The following HS3ST1 variants were observed in gnomAD, a reference collection of about 807,000 sequenced individuals.
HS3ST1 encodes heparan sulfate glucosamine 3-O-sulfotransferase 1.
A neutral mutation model predicts 20.7 loss-of-function variants in HS3ST1; 8 were observed. The ratio of observed to expected loss-of-function variants is 0.39; its 90% CI spans 0.23 to 0.70. HS3ST1 has a LOEUF of 0.70. Ranked by LOEUF, HS3ST1 falls within the 30% of genes least tolerant of loss-of-function variation. The pLI is 0.46. For missense variants in HS3ST1, 436 were observed against 423.4 expected (o/e 1.03, Z -0.26); for synonymous variants, 205 against 190.4 (o/e 1.08, Z -0.63).
upstream of HS3ST1, chr4:11,429,466 G>A (rs2108894192): frequency 6.6e-6 from 1 of 152,496 alleles, no homozygotes. Context: ...GAAGCAGGAG[G>A]TGCCATCCTC....
chr4:11,432,839 T>C (rs999138201), upstream of HS3ST1, among the ~76,000 whole-genome samples: 4 of 152,180 alleles, frequency 2.6e-5, no homozygotes, highest in African/African-American at 7.2e-5. Flanking sequence ...TGTTGTTCCT[T>C]CCAACTCAGC....
chr4:11,413,285 A>G (rs1718684896), intron 1 of HS3ST1, among the ~76,000 whole-genome samples: 1 of 152,156 alleles, frequency 6.6e-6, no homozygotes, highest in African/African-American at 2.4e-5. Flanking sequence ...TCCCCACACC[A>G]AACAGGCAGC....
At chr4:11,403,570 G>C (rs765985856) in intron 1 of HS3ST1, among the ~76,000 whole-genome samples, 16 of 152,158 alleles carry the variant, frequency 1.1e-4, no homozygotes, top group Non-Finnish European at 1.8e-4. Flanking sequence ...TCTAGTTGCT[G>C]TTACTACTGT....
At chr4:11,432,770 C>G (rs969427610), upstream of HS3ST1, among the ~76,000 whole-genome samples, 4 of 152,144 alleles carry the variant, frequency 2.6e-5, no homozygotes, top group African/African-American at 7.2e-5. Context: ...TGCTAATTAG[C>G]TAGAGCAGTC....
chr4:11,404,140 G>T lies in HS3ST1; in HGVS notation c.-108-4027C>A, dbSNP rs186931476. Among the ~76,000 whole-genome samples the T allele has an allele frequency of 2.6e-3, 398 of 152,242 alleles. 4 individuals are homozygous for T. The highest frequency in any genetic ancestry group is 9.1e-3 in the African/African-American group (380 of 41,554). On this transcript the variant is annotated intron_variant, in intron 1 of 1. Coordinates refer to ENST00000002596, the MANE Select transcript of HS3ST1 (RefSeq NM_005114.4). ...GCTCACTGTGACCTCTGCATTCTGG[G>T]TTCAAGTAGTTCTTGTGCCTCAGCT... is the stretch of plus-strand genomic sequence containing the variant.
intron 1 of HS3ST1, among the ~76,000 whole-genome samples, chr4:11,409,640 A>G (rs1053359201): frequency 1.3e-5 from 2 of 152,240 alleles, no homozygotes; most frequent in Non-Finnish European, 2.9e-5. Context: ...GCTGTGAGAA[A>G]TAAATATCTA....
upstream of HS3ST1, among the ~76,000 whole-genome samples, chr4:11,432,426 T>C (rs1326732153): frequency 6.6e-6 from 1 of 152,208 alleles, no homozygotes; most frequent in African/African-American, 2.4e-5. Context: ...AAGTCCTGAT[T>C]TAGATGAGGT....
At chr4:11,431,232 T>TTA (rs1719199432), upstream of HS3ST1, among the ~76,000 whole-genome samples, 1 of 137,880 alleles carries the variant, frequency 7.3e-6, no homozygotes, top group African/African-American at 2.7e-5. Context: ...ACTATGCTCT[T>TTA]AAAAAAAAAA....
intron 1 of HS3ST1, among the ~76,000 whole-genome samples, chr4:11,426,120 T>A (rs1428482885): frequency 6.6e-6 from 1 of 152,124 alleles, no homozygotes; most frequent in Non-Finnish European, 1.5e-5. Context: ...CAGGCTCAAT[T>A]TCATCAGGAC....
chr4:11,407,055 G>C (rs1193246370), intron 1 of HS3ST1, among the ~76,000 whole-genome samples: 1 of 152,190 alleles, frequency 6.6e-6, no homozygotes, highest in African/African-American at 2.4e-5. Flanking sequence ...GTGCCTGTCA[G>C]CCTATGAGAG....
In HS3ST1 at chr4:11,398,194, G is replaced by A. The variant is rs1718189435; in HGVS notation, c.*888C>T. The A allele has an allele frequency of 6.6e-6, 1 of 152,226 alleles. No homozygotes were observed. Among genetic ancestry groups the A allele is most frequent in the Non-Finnish European group, 1.5e-5 (1 of 68,048 alleles). 9.4% of individuals were successfully genotyped at this position (152,226 alleles called of 1,614,324 possible). On this transcript the variant is annotated 3_prime_UTR_variant, in exon 2 of 2. Coordinates refer to ENST00000002596, the MANE Select transcript of HS3ST1 (RefSeq NM_005114.4). Reference sequence around the variant, plus strand: ...ATAATGCCAATGTGTCTTTCAGGAAGTAAGCAGACTTTCAGACTAAGCAAA... The same window carrying A: ...ATAATGCCAATGTGTCTTTCAGGAAATAAGCAGACTTTCAGACTAAGCAAA...
In HS3ST1 at chr4:11,395,265, G is replaced by T. The variant is rs1369184225; in HGVS notation, c.*3817C>A. 1.3e-5 allele frequency: 2 copies of T among 151,966 alleles called. No individual in the cohort carries two copies. Among genetic ancestry groups the T allele is most frequent in the Admixed American group, 1.3e-4 (2 of 15,246 alleles). 9.4% of individuals were successfully genotyped at this position (151,966 alleles called of 1,614,324 possible). On this transcript the variant is annotated 3_prime_UTR_variant, in exon 2 of 2. Transcript: ENST00000002596. ...AGTTAAGTGACCTGCCCTGACATGC[G>T]ACCTCTGGGAAGATTCTCTATTTCT...
At chr4:11,415,431 C>A (rs977923987) in intron 1 of HS3ST1, among the ~76,000 whole-genome samples, 1 of 152,140 alleles carries the variant, frequency 6.6e-6, no homozygotes, top group Non-Finnish European at 1.5e-5. Flanking sequence ...GATAGACTCA[C>A]AATAAATAAT....
At chr4:11,431,232 T>TAAA (rs77643058), upstream of HS3ST1, among the ~76,000 whole-genome samples, 3,824 of 137,828 alleles carry the variant, frequency 0.028, 100 homozygotes, top group Admixed American at 0.066. Flanking sequence ...ACTATGCTCT[T>TAAA]AAAAAAAAAA....
At chr4:11,416,356 G>A (rs774117655) in intron 1 of HS3ST1, among the ~76,000 whole-genome samples, 12 of 152,174 alleles carry the variant, frequency 7.9e-5, no homozygotes, top group Non-Finnish European at 1.5e-4. Context: ...CACGAGAGGT[G>A]TGAAGGGGCA....
intron 1 of HS3ST1, among the ~76,000 whole-genome samples, chr4:11,413,195 G>A (rs1466865109): frequency 6.6e-6 from 1 of 152,106 alleles, no homozygotes; most frequent in African/African-American, 2.4e-5. Flanking sequence ...TATATAAAAA[G>A]TTTATCAGTG....
intron 1 of HS3ST1, among the ~76,000 whole-genome samples, chr4:11,413,621 A>G (rs1718692586): frequency 1.3e-5 from 2 of 152,140 alleles, no homozygotes; most frequent in Non-Finnish European, 2.9e-5. Context: ...CTCTTCCCTC[A>G]AACAACTTGG....
chr4:11,411,197 A>C (rs1008109749), intron 1 of HS3ST1, among the ~76,000 whole-genome samples: 6 of 152,208 alleles, frequency 3.9e-5, no homozygotes, highest in African/African-American at 1.4e-4. Flanking sequence ...GAGCAATGAC[A>C]AAGCGGCATC....
intron 1 of HS3ST1, among the ~76,000 whole-genome samples, chr4:11,412,038 G>A (rs1456177948): frequency 1.3e-5 from 2 of 152,178 alleles, no homozygotes; most frequent in Non-Finnish European, 2.9e-5. Context: ...GGCTGGCATA[G>A]AAAACTCCCA....
Sources: gnomAD v4.1 joint callset for allele counts (sites outside exome capture counted in the v4.1 genomes callset) on GRCh38, gnomAD v4.1.1 for gene constraint, MANE v1.5 for transcripts, NCBI Gene and HGNC (gene_info 2026-07-23, HGNC 2026-07-21) for gene names.